The following PKN2 variants were observed in gnomAD, a reference collection of about 807,000 sequenced individuals.
PKN2 encodes the protein protein kinase N2.
A neutral mutation model predicts 119.1 loss-of-function variants in PKN2; 38 were observed. That is an observed-to-expected ratio of 0.32 (90% CI 0.25 to 0.42). The LOEUF (loss-of-function observed/expected upper bound fraction) is 0.42. Among genes scored for constraint, PKN2 ranks in the 10% least tolerant of loss-of-function variants. PKN2 has a pLI of 1.00. For missense variants in PKN2, 850 were observed against 1,165.1 expected, an observed-to-expected ratio of 0.73 and a Z score of 3.94; for synonymous variants, 390 against 384.9, an observed-to-expected ratio of 1.01 and a Z score of -0.15.
In PKN2 at chr1:88,740,963, A is replaced by G. The variant is rs376864485; in HGVS notation, c.49-25A>G. On this transcript the variant is annotated intron_variant, in intron 1 of 21. Transcript: ENST00000370521. ...GCAGCCAACTCTCCTAAACTCCCAC[A>G]TTTGTATGTTTATTTTTTCTGTAGG... The G allele has an allele frequency of 4.7e-5, 71 of 1,511,650 alleles. 1 individual carries two copies. In the East Asian group the frequency reaches 7.5e-4, roughly 16 times the overall value. 93.6% of individuals were successfully genotyped at this position (1,511,650 alleles called of 1,614,324 possible). A position where few individuals can be genotyped will look rare whatever the true frequency, so the allele number is the denominator to read the frequency against.
chr1:88,708,138 A>G (rs976013614), intron 1 of PKN2, among the ~76,000 whole-genome samples: 1 of 151,922 alleles, frequency 6.6e-6, no homozygotes, highest in Non-Finnish European at 1.5e-5. Context: ...CTTAATACAT[A>G]AATACCTGGT....
chr1:88,776,665 G>A (rs1359840942), intron 6 of PKN2, among the ~76,000 whole-genome samples: 2 of 151,838 alleles, frequency 1.3e-5, no homozygotes, highest in African/African-American at 4.8e-5. Context: ...GTTTGAACGC[G>A]GGAGGCGGAG....
intron 8 of PKN2, among the ~76,000 whole-genome samples, chr1:88,797,647 A>G (rs1671141167): frequency 6.6e-6 from 1 of 151,714 alleles, no homozygotes; most frequent in Non-Finnish European, 1.5e-5. Flanking sequence ...AAAAAAAAAA[A>G]AAAAAGAGAG....
chr1:88,771,823 G>C lies in PKN2; in HGVS notation c.929G>C (p.Ser310Thr), dbSNP rs373232178. Residue 310 changes from serine to threonine, a missense_variant, in exon 6 of 22, where the codon AGT (serine) becomes ACT (threonine). Around this residue, in one of 9 missense-constraint regions of PKN2, gnomAD observed 350 missense variants for 511.1 expected, o/e 0.68. Coordinates refer to ENST00000370521, the MANE Select transcript of PKN2 (RefSeq NM_006256.4). ...AASPTLSPRQ[S>T]MISTQNQYST... ...TCACCAACACTAAGTCCACGTCAAA[G>C]TATGATATCTACGCAAAATCAATAT... The C allele has an allele frequency of 3.1e-6, 5 of 1,613,938 alleles. No individual in the cohort carries two copies. In the East Asian group the frequency reaches 6.7e-5, roughly 22 times the overall value.
chr1:88,740,517 G>C (rs1668535257), intron 1 of PKN2, among the ~76,000 whole-genome samples: 1 of 152,082 alleles, frequency 6.6e-6, no homozygotes, highest in African/African-American at 2.4e-5. Context: ...CAGTGACCCA[G>C]TACTTGTATT....
At chr1:88,748,584 C>A (rs1344243182) in intron 2 of PKN2, among the ~76,000 whole-genome samples, 1 of 152,056 alleles carries the variant, frequency 6.6e-6, no homozygotes, top group African/African-American at 2.4e-5. Flanking sequence ...TTTCAGTTCA[C>A]TTTGGTAAAT....
rs1461493429 is a variant in PKN2, at chr1:88,835,862, T to A, written c.*2414T>A. 6.6e-6 allele frequency: 1 copy of A among 152,246 alleles called. No individual in the cohort carries two copies. The highest frequency in any genetic ancestry group is 1.9e-4 in the East Asian group (1 of 5,204). 9.4% of individuals were successfully genotyped at this position (152,246 alleles called of 1,614,324 possible). A position where few individuals can be genotyped will look rare whatever the true frequency, so the allele number is the denominator to read the frequency against. On this transcript the variant is annotated 3_prime_UTR_variant, in exon 22 of 22. Coordinates refer to ENST00000370521, the MANE Select transcript of PKN2 (RefSeq NM_006256.4). ...ACTTCCTAATGATTAAAATATACTTTAACTTTTCTGTGTTCAAAATCTCAA... is the reference window on the plus strand; with the variant it reads ...ACTTCCTAATGATTAAAATATACTTAAACTTTTCTGTGTTCAAAATCTCAA...
At chr1:88,806,665 ATTC>A (rs1323742084) in intron 12 of PKN2, among the ~76,000 whole-genome samples, 6 of 152,166 alleles carry the variant, frequency 3.9e-5, no homozygotes, top group Non-Finnish European at 7.4e-5. Context: ...CTGAAATACT[ATTC>A]TTCTTCTAAC....
intron 2 of PKN2, among the ~76,000 whole-genome samples, chr1:88,751,859 T>G (rs1669013050): frequency 6.6e-6 from 1 of 151,492 alleles, no homozygotes; most frequent in Admixed American, 6.5e-5. Flanking sequence ...CTATTTTCTT[T>G]CAGCACTTAG....
chr1:88,736,380 G>C (rs1223666874), intron 1 of PKN2, among the ~76,000 whole-genome samples: 1 of 150,968 alleles, frequency 6.6e-6, no homozygotes, highest in Non-Finnish European at 1.5e-5. Context: ...TTTTTTTTGA[G>C]ACAGAGTCTC....
intron 2 of PKN2, among the ~76,000 whole-genome samples, chr1:88,759,391 A>T (rs952054004): frequency 1.3e-5 from 2 of 152,206 alleles, no homozygotes; most frequent in African/African-American, 4.8e-5. Context: ...GACTGGTGTC[A>T]GATAGTATCT....
intron 1 of PKN2, among the ~76,000 whole-genome samples, chr1:88,711,464 T>C (rs1385509784): frequency 6.6e-6 from 1 of 152,182 alleles, no homozygotes; most frequent in African/African-American, 2.4e-5. Context: ...TTGGAGTAGA[T>C]ATGATTTTTA....
At chr1:88,815,524 C>A in intron 16 of PKN2, 1 of 264,674 alleles carries the variant, frequency 3.8e-6, no homozygotes, top group South Asian at 3.8e-5. Context: ...AAGAGAGGAG[C>A]AAGAACCATA....
intron 6 of PKN2, among the ~76,000 whole-genome samples, chr1:88,777,087 C>T (rs528003695): frequency 6.6e-6 from 1 of 152,134 alleles, no homozygotes; most frequent in African/African-American, 2.4e-5. Context: ...CTCTGATTTT[C>T]TTCATTATTT....
chr1:88,821,287 A>G (rs1222552069), intron 16 of PKN2, among the ~76,000 whole-genome samples: 1 of 152,182 alleles, frequency 6.6e-6, no homozygotes, highest in Non-Finnish European at 1.5e-5. Context: ...TTCATCTATA[A>G]TATGATAAAA....
chr1:88,748,790 C>T (rs1668873901), intron 2 of PKN2, among the ~76,000 whole-genome samples: 1 of 151,934 alleles, frequency 6.6e-6, no homozygotes, highest in African/African-American at 2.4e-5. Context: ...TAAAAATTAG[C>T]CAAGTATGGT....
chr1:88,783,219 GA>G (rs1396856817), intron 6 of PKN2, among the ~76,000 whole-genome samples: 1 of 152,112 alleles, frequency 6.6e-6, no homozygotes, highest in Non-Finnish European at 1.5e-5. Flanking sequence ...ATGAATACTT[GA>G]AAACCCTCTG....
chr1:88,761,033 C>T (rs1247065014), intron 3 of PKN2, among the ~76,000 whole-genome samples: 2 of 152,100 alleles, frequency 1.3e-5, no homozygotes, highest in Admixed American at 1.3e-4. Context: ...ATTTTGGCGT[C>T]ATCAATAATT....
At chr1:88,805,107 C>A (rs1222309952) in intron 10 of PKN2, among the ~76,000 whole-genome samples, 186 bp downstream of exon 10, 1 of 151,912 alleles carries the variant, frequency 6.6e-6, no homozygotes, top group East Asian at 1.9e-4. Flanking sequence ...GTACAGTCAC[C>A]CGGCTTCAAC....
Sources: allele counts gnomAD v4.1 joint callset (sites outside exome capture counted in the v4.1 genomes callset), GRCh38; gene constraint gnomAD v4.1.1; regional missense constraint gnomAD v4.1.1; transcripts MANE v1.5; gene names NCBI Gene and HGNC (gene_info 2026-07-23, HGNC 2026-07-21).